Variants in INSYN2B observed in about 807,000 individuals in gnomAD.
INSYN2B encodes inhibitory synaptic factor family member 2B, also known as protein INSYN2B.
Under a neutral mutation model 41.2 loss-of-function variants are expected in INSYN2B, and 16 were observed. The observed-to-expected ratio is 0.39, with a 90% CI of 0.26 to 0.59. INSYN2B has a LOEUF of 0.59. INSYN2B is among the 20% of genes least tolerant of loss of function. The pLI, the probability that INSYN2B is intolerant of heterozygous loss-of-function variation, is 0.57. For synonymous variants in INSYN2B, 245 were observed against 244.4 expected, an observed-to-expected ratio of 1.00 and a Z score of -0.02; for missense variants, 608 against 646.4, an observed-to-expected ratio of 0.94 and a Z score of 0.64.
intron 1 of INSYN2B, among the ~76,000 whole-genome samples, chr5:169,950,913 A>G (rs185981481): frequency 6.6e-6 from 1 of 152,322 alleles, no homozygotes; most frequent in Admixed American, 6.5e-5. Flanking sequence ...ACTGGTCTTC[A>G]TGATGTTGGC....
chr5:169,963,549 G>C (rs564159978), intron 1 of INSYN2B, among the ~76,000 whole-genome samples: 4 of 152,108 alleles, frequency 2.6e-5, no homozygotes, highest in Non-Finnish European at 5.9e-5. Context: ...TGGTTTGGTA[G>C]TGCTGGGCCC....
intron 1 of INSYN2B, among the ~76,000 whole-genome samples, chr5:169,953,314 C>A (rs1234847564): frequency 1.5e-5 from 2 of 137,606 alleles, no homozygotes; most frequent in Non-Finnish European, 3.1e-5. Flanking sequence ...GCCTGGGTGA[C>A]AGAGCAAGAC....
intron 3 of INSYN2B, among the ~76,000 whole-genome samples, chr5:169,879,028 TTAGA>T (rs972859303): frequency 4.0e-5 from 6 of 151,836 alleles, no homozygotes; most frequent in Non-Finnish European, 7.4e-5. Context: ...AGAGAAGGAG[TTAGA>T]TAGAACCAGA....
intron 1 of INSYN2B, among the ~76,000 whole-genome samples, chr5:169,892,843 G>A (rs1446248257): frequency 1.3e-5 from 2 of 152,108 alleles, no homozygotes; most frequent in East Asian, 1.9e-4. Context: ...TTATCCTCTG[G>A]ATTTCCTCTC....
chr5:169,971,258 G>A (rs1777497151), intron 1 of INSYN2B, among the ~76,000 whole-genome samples: 1 of 151,842 alleles, frequency 6.6e-6, no homozygotes. Context: ...ATCATTCCCA[G>A]AGCAGGAAGG....
At chr5:169,865,715 A>G (rs1236900007) in intron 3 of INSYN2B, among the ~76,000 whole-genome samples, 4 of 152,382 alleles carry the variant, frequency 2.6e-5, no homozygotes, top group African/African-American at 9.6e-5. Context: ...AAACGTGGTC[A>G]TGAAAACAGT....
chr5:169,944,665 C>A (rs1444010409), intron 1 of INSYN2B, among the ~76,000 whole-genome samples: 4 of 152,210 alleles, frequency 2.6e-5, no homozygotes, highest in Non-Finnish European at 5.9e-5. Flanking sequence ...TGATTGGGAG[C>A]AAACAGGTTA....
chr5:169,867,977 A>G (rs562558284), intron 3 of INSYN2B, among the ~76,000 whole-genome samples: 4 of 152,316 alleles, frequency 2.6e-5, no homozygotes, highest in East Asian at 3.9e-4. Flanking sequence ...GGGAACATCT[A>G]TATTCACAAT....
At chr5:169,890,800 C>T (rs1179477601) in intron 1 of INSYN2B, among the ~76,000 whole-genome samples, 1 of 152,056 alleles carries the variant, frequency 6.6e-6, no homozygotes, top group African/African-American at 2.4e-5. Flanking sequence ...GACTTTTTTG[C>T]ACAAATTCTG....
At chr5:169,925,578 TTAA>T (rs757633934) in intron 1 of INSYN2B, among the ~76,000 whole-genome samples, 7 of 32,316 alleles carry the variant, frequency 2.2e-4, no homozygotes, top group Admixed American at 3.5e-4. Flanking sequence ...AGACTCTGTC[TTAA>T]AAAAAAAAAA....
At chr5:169,953,332 CAAAA>C (rs576183648) in intron 1 of INSYN2B, among the ~76,000 whole-genome samples, 1 of 123,492 alleles carries the variant, frequency 8.1e-6, no homozygotes, top group Admixed American at 8.0e-5. Flanking sequence ...GACTCTATCT[CAAAA>C]AAAAAAAAAA....
At chr5:169,913,368 C>T (rs1056767201) in intron 1 of INSYN2B, among the ~76,000 whole-genome samples, 1 of 152,080 alleles carries the variant, frequency 6.6e-6, no homozygotes, top group Admixed American at 6.6e-5. Context: ...TATAGAAGCT[C>T]CCTAGAACCT....
intron 1 of INSYN2B, among the ~76,000 whole-genome samples, chr5:169,907,465 G>A (rs866335947): frequency 6.6e-6 from 1 of 152,158 alleles, no homozygotes; most frequent in Admixed American, 6.5e-5. Flanking sequence ...TCTGTGGCTT[G>A]TTTGCTTGGA....
intron 1 of INSYN2B, chr5:169,934,590 C>T (rs150110735): frequency 1.5e-5 from 7 of 454,996 alleles, no homozygotes; most frequent in African/African-American, 1.2e-4. Flanking sequence ...TCTTTGCTTC[C>T]AGGCTGTCTG....
chr5:169,925,868 GAGA>G (rs1775421591), intron 1 of INSYN2B, among the ~76,000 whole-genome samples: 1 of 152,262 alleles, frequency 6.6e-6, no homozygotes, highest in South Asian at 2.1e-4. Flanking sequence ...GTTCCCTGGG[GAGA>G]AGATGTTCCC....
intron 1 of INSYN2B, among the ~76,000 whole-genome samples, chr5:169,909,819 T>C (rs1023996983): frequency 6.6e-6 from 1 of 152,210 alleles, no homozygotes; most frequent in African/African-American, 2.4e-5. Flanking sequence ...ACTTCTAGAA[T>C]GGTCTGAGTA....
At chr5:169,978,216 G>A (rs1021804073) in intron 1 of INSYN2B, among the ~76,000 whole-genome samples, 2 of 152,156 alleles carry the variant, frequency 1.3e-5, no homozygotes, top group South Asian at 2.1e-4. Context: ...CTCCCTCTGC[G>A]ATCTCATCAC....
intron 1 of INSYN2B, among the ~76,000 whole-genome samples, chr5:169,952,729 T>C (rs142068132): frequency 1.3e-5 from 2 of 152,282 alleles, no homozygotes; most frequent in East Asian, 3.9e-4. Context: ...TGGAGACATC[T>C]CAGGTAGGGG....
At chr5:169,906,400 A>T (rs1456321973) in intron 1 of INSYN2B, among the ~76,000 whole-genome samples, 1 of 152,212 alleles carries the variant, frequency 6.6e-6, no homozygotes, top group African/African-American at 2.4e-5. Context: ...AACCACCATC[A>T]TTTGGGCTTG....
Sources: gnomAD v4.1 joint callset for allele counts (sites outside exome capture counted in the v4.1 genomes callset) on GRCh38, gnomAD v4.1.1 for gene constraint, MANE v1.5 for transcripts, NCBI Gene and HGNC (gene_info 2026-07-23, HGNC 2026-07-21) for gene names.